Variants in BRI3 observed in about 807,000 individuals in gnomAD.
The protein encoded by BRI3 is membrane protein BRI3.
BRI3 carries 6 observed loss-of-function variants against 12.8 expected under a neutral mutation model. That is an observed-to-expected ratio of 0.47 (90% CI 0.26 to 0.93). The LOEUF is 0.93. Among genes scored for constraint, BRI3 ranks in the 40% least tolerant of loss-of-function variants. The probability of loss-of-function intolerance (pLI) is 0.15; values close to 1 mark genes in which losing one functional copy is unlikely to be tolerated. For synonymous variants in BRI3, 91 were observed against 76.1 expected, an observed-to-expected ratio of 1.20 and a Z score of -1.02; for missense variants, 134 against 171.1, an observed-to-expected ratio of 0.78 and a Z score of 1.21.
chr7:98,294,206 T>A, downstream of BRI3: 1 of 1,372,726 alleles, frequency 7.3e-7, no homozygotes, highest in Non-Finnish European at 1.0e-6. Context: ...TTGCCCAGGC[T>A]GGTTTCGAAC....
chr7:98,285,222 C>T (rs116838568), intron 2 of BRI3, among the ~76,000 whole-genome samples: 164 of 152,294 alleles, frequency 1.1e-3, no homozygotes, highest in African/African-American at 3.5e-3. Context: ...GTCCAGGGTG[C>T]GGCTCAGTGG....
chr7:98,290,181 G>GTTTTTTTT (rs1180326213), intron 2 of BRI3, among the ~76,000 whole-genome samples: 1 of 102,540 alleles, frequency 9.8e-6, no homozygotes. Context: ...TCTCAAGGTT[G>GTTTTTTTT]TTTTTTTTTT....
intron 2 of BRI3, chr7:98,283,068 A>G (rs2116698117): frequency 6.6e-6 from 1 of 152,498 alleles, no homozygotes; most frequent in African/African-American, 2.4e-5. Context: ...TTTGGTTTTT[A>G]TAGGGCCCCG....
At chr7:98,305,011 G>A (rs1173070519), upstream of BRI3, among the ~76,000 whole-genome samples, 5 of 146,634 alleles carry the variant, frequency 3.4e-5, no homozygotes, top group African/African-American at 5.1e-5. Flanking sequence ...GATTACAGGC[G>A]CCTGCCACCA....
downstream of BRI3, among the ~76,000 whole-genome samples, chr7:98,296,424 G>C (rs1441001628): frequency 6.6e-6 from 1 of 152,126 alleles, no homozygotes. Context: ...TCGGGAGTTC[G>C]AGACCAGCCT....
chr7:98,315,288 G>GT (rs1020662454), downstream of BRI3, among the ~76,000 whole-genome samples: 376 of 149,668 alleles, frequency 2.5e-3, 3 homozygotes, highest in African/African-American at 7.7e-3. Flanking sequence ...TGCCTGGCTA[G>GT]TTTTTTTTTT....
chr7:98,296,618 C>T (rs1011753405), downstream of BRI3, among the ~76,000 whole-genome samples: 4 of 152,008 alleles, frequency 2.6e-5, no homozygotes, highest in African/African-American at 4.8e-5. Flanking sequence ...AGTGAGACTC[C>T]ATCTGTAAAA....
At chr7:98,304,076 C>CG, upstream of BRI3, 1 of 1,095,284 alleles carries the variant, frequency 9.1e-7, no homozygotes, top group South Asian at 2.0e-5. Context: ...CCCTCCTCCC[C>CG]GGGGACACCA....
intron 2 of BRI3, among the ~76,000 whole-genome samples, chr7:98,290,773 A>G (rs1350049125): frequency 1.3e-5 from 2 of 152,268 alleles, no homozygotes; most frequent in Non-Finnish European, 2.9e-5. Context: ...TGCTGGGATT[A>G]CAGGCGTGAG....
chr7:98,317,883 A>G, the BRI3 span, among the ~76,000 whole-genome samples: 1 of 145,824 alleles, frequency 6.9e-6, no homozygotes, highest in Admixed American at 6.8e-5. Context: ...TCTGCAGTTC[A>G]CACCATCTGC....
the BRI3 span, among the ~76,000 whole-genome samples, chr7:98,319,633 G>A: frequency 1.4e-5 from 2 of 147,480 alleles, no homozygotes; most frequent in East Asian, 4.0e-4. Flanking sequence ...TGCAACCTCC[G>A]CCTCCCCGGT....
At chr7:98,284,540 C>A (rs890900979) in intron 2 of BRI3, among the ~76,000 whole-genome samples, 1 of 152,214 alleles carries the variant, frequency 6.6e-6, no homozygotes, top group Admixed American at 6.5e-5. Flanking sequence ...CGCTGCCTGG[C>A]GTCTTGGCCC....
At position 98,291,174 on chromosome 7, in the gene BRI3, C is replaced by G. The variant is rs1562959473; in HGVS notation, c.309C>G (p.Pro103=). 1 of 1,614,218 alleles carries G rather than the reference C, an allele frequency of 6.2e-7. No homozygotes were observed. Among genetic ancestry groups the G allele is most frequent in the East Asian group, 2.2e-5 (1 of 44,890 alleles). Residue 103 remains proline, a synonymous_variant, in exon 3 of 3, where the codon CCC becomes CCG. Coordinates refer to ENST00000297290, the MANE Select transcript of BRI3 (RefSeq NM_015379.5). ...LGIFLAIILF[P]FGFICCFALR... is the part of the protein sequence containing the mutation. ...TCTTCCTGGCCATCATCCTCTTCCC[C>G]TTTGGGTTCATTTGCTGTTTTGCCT...
rs542006265 is a variant in BRI3, at chr7:98,285,469, C to A, written c.245+3016C>A. On this transcript the variant is annotated intron_variant, in intron 2 of 2. Coordinates refer to ENST00000297290, the MANE Select transcript of BRI3 (RefSeq NM_015379.5). ...GGATGGCTCTGCCCATATGTATGGC[C>A]TGTGGGCTGTCCCCGTCCTGACAGT... Among the ~76,000 whole-genome samples the A allele has an allele frequency of 6.6e-5, 10 of 152,258 alleles. No individual in the cohort carries two copies. The East Asian group carries it at 1.7e-3, about 26-fold the overall frequency.
chr7:98,308,043 T>C (rs1800727524), exon 2 of BRI3: 1 of 797,206 alleles, frequency 1.3e-6, no homozygotes, highest in Middle Eastern at 2.2e-4. Flanking sequence ...ATTTCCTCGC[T>C]TTGATCATTG....
chr7:98,310,143 G>A (rs755870066), exon 2 of BRI3: 7 of 268,700 alleles, frequency 2.6e-5, no homozygotes, highest in Middle Eastern at 1.2e-3. Context: ...GAGCCACCGC[G>A]CCTGGCCTCC....
upstream of BRI3, among the ~76,000 whole-genome samples, chr7:98,305,166 C>T (rs1800605195): frequency 6.9e-6 from 1 of 145,698 alleles, no homozygotes; most frequent in African/African-American, 2.5e-5. Context: ...GCTGGGATTA[C>T]AGGCATGAGC....
chr7:98,282,261 G>C, intron 1 of BRI3, 90 bp from the exon 2 acceptor site: 1 of 1,146,952 alleles, frequency 8.7e-7, no homozygotes, highest in South Asian at 1.4e-5. Flanking sequence ...TTTTTTAGCG[G>C]GGTGGAGGTT....
At chr7:98,283,528 G>A (rs544857576) in intron 2 of BRI3, among the ~76,000 whole-genome samples, 1 of 143,668 alleles carries the variant, frequency 7.0e-6, no homozygotes, top group South Asian at 2.5e-4. Flanking sequence ...CCTTTGGAGT[G>A]AAGGTGGAGG....
Sources: allele counts gnomAD v4.1 joint callset (sites outside exome capture counted in the v4.1 genomes callset), GRCh38; gene constraint gnomAD v4.1.1; transcripts MANE v1.5; gene names NCBI Gene and HGNC (gene_info 2026-07-23, HGNC 2026-07-21).